TMEM132C: variants seen among roughly 807,000 people sequenced by gnomAD.
TMEM132C encodes the protein transmembrane protein 132C.
In TMEM132C, 29 loss-of-function variants were observed where a neutral mutation model predicts 61.4. The ratio of observed to expected loss-of-function variants is 0.47; its 90% confidence interval spans 0.35 to 0.64. The LOEUF (loss-of-function observed/expected upper bound fraction) is 0.64. TMEM132C is among the 30% of genes least tolerant of loss of function. The pLI is 0.00. For missense variants in TMEM132C, 1,408 were observed against 1,476.9 expected (o/e 0.95, Z 0.76); for synonymous variants, 656 against 633.1 (o/e 1.04, Z -0.54).
rs188798775 is a variant in TMEM132C at position 128,645,789 on chromosome 12, C to T, written c.1306-23628C>T. Among the ~76,000 whole-genome samples, 313 of 152,234 alleles carry T rather than the reference C, an allele frequency of 2.1e-3. 4 individuals carry two copies. In the Middle Eastern group the frequency reaches 0.031, roughly 15 times the overall value. On this transcript the variant is annotated intron_variant, in intron 4 of 8. Coordinates refer to ENST00000435159, the MANE Select transcript of TMEM132C (RefSeq NM_001136103.3). ...GATGAGTGTGTTTACTGGAGTCCAT[C>T]GGCGTGGGATATGAATGTGTTTACT...
intron 2 of TMEM132C, among the ~76,000 whole-genome samples, chr12:128,467,313 C>G (rs1478506984): frequency 6.6e-6 from 1 of 152,162 alleles, no homozygotes; most frequent in African/African-American, 2.4e-5. Flanking sequence ...ATCTTCTTCT[C>G]CATCCCAGCA....
chr12:128,377,084 T>C (rs886406052), intron 1 of TMEM132C, among the ~76,000 whole-genome samples: 3 of 151,934 alleles, frequency 2.0e-5, no homozygotes, highest in African/African-American at 4.8e-5. Context: ...AGATGGAGTC[T>C]TGCTTTGTCG....
chr12:128,683,943 G>A (rs2135642823), intron 5 of TMEM132C, among the ~76,000 whole-genome samples: 1 of 151,654 alleles, frequency 6.6e-6, no homozygotes, highest in African/African-American at 2.4e-5. Flanking sequence ...TCCAGCCTGG[G>A]CAACAAGAGC....
chr12:128,473,419 T>A (rs1871040982), intron 2 of TMEM132C, among the ~76,000 whole-genome samples: 1 of 151,514 alleles, frequency 6.6e-6, no homozygotes, highest in Admixed American at 6.6e-5. Context: ...AGCCTCCATC[T>A]TCATCTTTGC....
chr12:128,600,826 A>G (rs1409060977), intron 3 of TMEM132C, among the ~76,000 whole-genome samples: 1 of 152,090 alleles, frequency 6.6e-6, no homozygotes, highest in Non-Finnish European at 1.5e-5. Flanking sequence ...TGGATGGACA[A>G]ATGGATGAAT....
chr12:128,491,496 T>C (rs976648170), intron 2 of TMEM132C, among the ~76,000 whole-genome samples: 18 of 152,184 alleles, frequency 1.2e-4, no homozygotes, highest in African/African-American at 4.3e-4. Flanking sequence ...CTGTGACGTC[T>C]CTTTGGCTGG....
At chr12:128,454,995 C>T (rs528097452) in intron 2 of TMEM132C, among the ~76,000 whole-genome samples, 1 of 152,294 alleles carries the variant, frequency 6.6e-6, no homozygotes, top group Non-Finnish European at 1.5e-5. Flanking sequence ...GGTTCAGATA[C>T]TGTATGCTGA....
chr12:128,357,706 A>G lies in TMEM132C; in HGVS notation c.86-57026A>G, dbSNP rs183410951. 6.3e-3 allele frequency among the ~76,000 whole-genome samples: 954 copies of G among 151,528 alleles called. 16 individuals carry two copies. Among genetic ancestry groups the G allele is most frequent in the Admixed American group, 0.021 (314 of 15,228 alleles). The stretch of plus-strand genomic sequence containing the variant: ...AGACTCCGTCTCAAAAAAAAAAAAA[A>G]AAAAGAAAAAGAAGGAGCCCAAAGA... On this transcript the variant is annotated intron_variant, in intron 1 of 8. Transcript: ENST00000435159.
chr12:128,286,756 A>C (rs774482365), intron 1 of TMEM132C, among the ~76,000 whole-genome samples: 12 of 152,174 alleles, frequency 7.9e-5, no homozygotes, highest in Non-Finnish European at 1.5e-4. Flanking sequence ...ACAGACATTG[A>C]AGTTCCCATC....
chr12:128,295,649 A>T, intron 1 of TMEM132C, among the ~76,000 whole-genome samples: 1 of 93,016 alleles, frequency 1.1e-5, no homozygotes, highest in Non-Finnish European at 2.2e-5. Flanking sequence ...AAAAAAAAAA[A>T]AAAAAAGAAA....
chr12:128,317,292 A>T (rs1872185171), intron 1 of TMEM132C, among the ~76,000 whole-genome samples: 1 of 152,196 alleles, frequency 6.6e-6, no homozygotes, highest in Non-Finnish European at 1.5e-5. Context: ...CAATAAAAAG[A>T]AGTAAGAACA....
intron 3 of TMEM132C, among the ~76,000 whole-genome samples, chr12:128,592,503 C>T (rs529035307): frequency 3.8e-4 from 58 of 152,324 alleles, no homozygotes; most frequent in African/African-American, 1.0e-3. Context: ...TCATTATCCT[C>T]CAAAGCTGAC....
chr12:128,593,138 T>G lies in TMEM132C; in HGVS notation c.1122-23014T>G, dbSNP rs1418847016. Among the ~76,000 whole-genome samples, 4 of 150,464 alleles carry G rather than the reference T, an allele frequency of 2.7e-5. No individual in the cohort carries two copies. In the East Asian group the frequency reaches 6.0e-4, roughly 22 times the overall value. On this transcript the variant is annotated intron_variant, in intron 3 of 8. Transcript: ENST00000435159. ...TCTTCCTTTCCTCTCTCTCTCCACC[T>G]TCTTCCCTCTCTCCTCTCTCCTTCC...
intron 1 of TMEM132C, among the ~76,000 whole-genome samples, chr12:128,374,672 C>A (rs1404055308): frequency 6.6e-6 from 1 of 151,928 alleles, no homozygotes; most frequent in Non-Finnish European, 1.5e-5. Flanking sequence ...GTAAGACACA[C>A]AGGAGCCCAA....
At chr12:128,534,616 C>G (rs999813669) in intron 2 of TMEM132C, among the ~76,000 whole-genome samples, 1 of 152,354 alleles carries the variant, frequency 6.6e-6, no homozygotes, top group East Asian at 1.9e-4. Context: ...TGGGCTTGCA[C>G]CTTGAAGCCA....
chr12:128,503,901 G>T (rs148613335), intron 2 of TMEM132C, among the ~76,000 whole-genome samples: 22 of 152,308 alleles, frequency 1.4e-4, no homozygotes, highest in African/African-American at 2.2e-4. Flanking sequence ...TGTCTCTCAT[G>T]GTTTATGGGG....
At chr12:128,591,027 C>T (rs1875730971) in intron 3 of TMEM132C, among the ~76,000 whole-genome samples, 1 of 152,182 alleles carries the variant, frequency 6.6e-6, no homozygotes, top group African/African-American at 2.4e-5. Flanking sequence ...AAGTGATCCT[C>T]CTGCCTCAGC....
At chr12:128,284,357 T>A (rs1870991995) in intron 1 of TMEM132C, among the ~76,000 whole-genome samples, 1 of 152,216 alleles carries the variant, frequency 6.6e-6, no homozygotes, top group Non-Finnish European at 1.5e-5. Flanking sequence ...TATGGTAACC[T>A]CAGGAGATAA....
intron 3 of TMEM132C, among the ~76,000 whole-genome samples, chr12:128,601,249 C>T (rs1212319289): frequency 6.6e-6 from 1 of 152,214 alleles, no homozygotes; most frequent in African/African-American, 2.4e-5. Context: ...GCAGAGAGGC[C>T]TACTCCCTTC....
Sources: gnomAD v4.1 joint callset for allele counts (sites outside exome capture counted in the v4.1 genomes callset) on GRCh38, gnomAD v4.1.1 for gene constraint, MANE v1.5 for transcripts, NCBI Gene and HGNC (gene_info 2026-07-23, HGNC 2026-07-21) for gene names.